The following SMG6 variants were observed in gnomAD, a reference collection of about 807,000 sequenced individuals.
SMG6 encodes SMG6 nonsense mediated mRNA decay factor.
SMG6 carries 66 observed loss-of-function variants against 142.2 expected under a neutral mutation model. The observed-to-expected ratio is 0.46, with a 90% CI of 0.38 to 0.57. The LOEUF (loss-of-function observed/expected upper bound fraction) is 0.57, where lower values mean the gene tolerates loss of function less well. Ranked by LOEUF, SMG6 falls within the 20% of genes least tolerant of loss-of-function variation. The pLI, the probability that SMG6 is intolerant of heterozygous loss-of-function variation, is 0.00. For missense variants in SMG6, 1,793 were observed against 1,832.0 expected (o/e 0.98, Z 0.39); for synonymous variants, 779 against 702.4 (o/e 1.11, Z -1.72).
At chr17:2,267,920 T>C (rs899039515) in intron 8 of SMG6, among the ~76,000 whole-genome samples, 4 of 152,028 alleles carry the variant, frequency 2.6e-5, no homozygotes, top group East Asian at 1.9e-4. Flanking sequence ...GCTAATTTTT[T>C]GTATTTTTAG....
In SMG6 at chr17:2,090,573, C is replaced by T. The variant is rs558164726; in HGVS notation, c.3358-4672G>A. Among the ~76,000 whole-genome samples, 35 of 152,316 alleles carry T rather than the reference C, an allele frequency of 2.3e-4. No individual in the cohort carries two copies. In the South Asian group the frequency reaches 7.0e-3, roughly 31 times the overall value. ...GTCCCCGTTTTCTCCAAACAGGCTT[C>T]TTGGAAGGCACAACCATGGTTACTA... On this transcript the variant is annotated intron_variant, in intron 13 of 18. Coordinates refer to ENST00000263073, the MANE Select transcript of SMG6 (RefSeq NM_017575.5).
intron 8 of SMG6, among the ~76,000 whole-genome samples, chr17:2,258,674 T>TA (rs2074247439): frequency 1.3e-5 from 2 of 151,100 alleles, no homozygotes; most frequent in Non-Finnish European, 2.9e-5. Flanking sequence ...TGGTGCAGCC[T>TA]GTAGTCCCAG....
intron 15 of SMG6, among the ~76,000 whole-genome samples, chr17:2,078,022 A>C (rs879604975): frequency 6.6e-6 from 1 of 152,156 alleles, no homozygotes; most frequent in Non-Finnish European, 1.5e-5. Flanking sequence ...CTAGCCAAGC[A>C]AAGGCCTGAT....
chr17:2,282,781 A>G lies in SMG6; in HGVS notation c.2527T>C (p.Phe843Leu). ...DQWRKGKKST[F>L]RHVGDDTTRL... Reference sequence around the variant, plus strand: ...GTGGTGTCATCTCCAACATGCCGGAAAGTAGACTTCTTTCCTTTCCGCCAC... The same window carrying G: ...GTGGTGTCATCTCCAACATGCCGGAGAGTAGACTTCTTTCCTTTCCGCCAC... The change falls in exon 8 of 19, where the codon TTC (phenylalanine) becomes CTC (leucine). Residue 843 changes from phenylalanine to leucine, a missense_variant. Phe to Leu is a conservative substitution (Grantham distance 22, BLOSUM62 0). This residue lies in a region of SMG6 where 1,597 missense variants were observed against 1,584.6 expected (regional missense o/e 1.01). Transcript: ENST00000263073. 1.9e-6 allele frequency: 3 copies of G among 1,614,194 alleles called. No individual in the cohort carries two copies. The highest frequency in any genetic ancestry group is 2.5e-6 in the Non-Finnish European group (3 of 1,180,044).
At chr17:2,130,412 C>T (rs2070080579) in intron 13 of SMG6, among the ~76,000 whole-genome samples, 1 of 151,500 alleles carries the variant, frequency 6.6e-6, no homozygotes, top group African/African-American at 2.4e-5. Flanking sequence ...TAAAAGAAGA[C>T]CTGAATAAAT....
chr17:2,275,619 C>G (rs1404047169), intron 8 of SMG6, among the ~76,000 whole-genome samples: 2 of 152,150 alleles, frequency 1.3e-5, no homozygotes, highest in Non-Finnish European at 2.9e-5. Flanking sequence ...ATTTCTGATG[C>G]TGTAATTTAA....
chr17:2,221,154 G>A (rs946576086), intron 10 of SMG6, among the ~76,000 whole-genome samples: 1 of 152,182 alleles, frequency 6.6e-6, no homozygotes, highest in African/African-American at 2.4e-5. Flanking sequence ...AGGGTTAAGA[G>A]CTGATATGGT....
At chr17:2,293,902 T>G (rs962467842) in intron 4 of SMG6, among the ~76,000 whole-genome samples, 9 of 152,236 alleles carry the variant, frequency 5.9e-5, no homozygotes, top group Non-Finnish European at 8.8e-5. Flanking sequence ...TGCCACACAC[T>G]GTGCAGGACT....
intron 12 of SMG6, among the ~76,000 whole-genome samples, chr17:2,185,050 G>A (rs2071934558): frequency 6.7e-6 from 1 of 150,148 alleles, no homozygotes; most frequent in Non-Finnish European, 1.5e-5. Flanking sequence ...AAACCTACTT[G>A]GGGACACATG....
At chr17:2,292,126 GGGTC>G (rs2075051500) in intron 6 of SMG6, among the ~76,000 whole-genome samples, 1 of 152,148 alleles carries the variant, frequency 6.6e-6, no homozygotes, top group South Asian at 2.1e-4. Context: ...AGAAGTAACA[GGGTC>G]TAGGGAAAGG....
chr17:2,274,851 G>A (rs1371057161), intron 8 of SMG6, among the ~76,000 whole-genome samples: 1 of 152,208 alleles, frequency 6.6e-6, no homozygotes, highest in East Asian at 1.9e-4. Context: ...GCCACATGCA[G>A]TGGCTCAGAC....
chr17:2,102,528 ATTTTT>A (rs374584197), intron 13 of SMG6, among the ~76,000 whole-genome samples: 4 of 81,614 alleles, frequency 4.9e-5, no homozygotes, highest in Admixed American at 1.4e-4. Context: ...TGCTAATTTC[ATTTTT>A]TTTTTTTTTT....
At chr17:2,187,955 C>T (rs1340699606) in intron 11 of SMG6, among the ~76,000 whole-genome samples, 1 of 152,082 alleles carries the variant, frequency 6.6e-6, no homozygotes, top group Admixed American at 6.6e-5. Context: ...AACCTAAGGG[C>T]TAAAAATAGC....
chr17:2,082,075 CA>C (rs2068440746), intron 14 of SMG6, 119 bp from the exon 15 acceptor site: 2 of 1,036,984 alleles, frequency 1.9e-6, no homozygotes, highest in Non-Finnish European at 2.9e-6. Flanking sequence ...CCATCCCTTG[CA>C]AAGGGTCCCC....
chr17:2,298,032 T>C lies in SMG6; in HGVS notation c.1871A>G (p.Glu624Gly), dbSNP rs1232127085. The C allele has an allele frequency of 6.2e-7, 1 of 1,609,196 alleles. No homozygotes were observed. The highest frequency in any genetic ancestry group is 8.5e-7 in the Non-Finnish European group (1 of 1,178,900). ...QLRAELLQLY[E>G]RCILLDIEFS... Reference sequence around the variant, plus strand: ...CTCAATATCTAATAGAATACAGCGCTCATATAGCTGCAGCAGTTCAGCTCT... The same window carrying C: ...CTCAATATCTAATAGAATACAGCGCCCATATAGCTGCAGCAGTTCAGCTCT... The change falls in exon 3 of 19, where the codon GAG becomes GGG. Residue 624 changes from glutamate (E) to glycine (G), a missense_variant. By Grantham distance (98) the Glu-to-Gly change is moderately conservative (BLOSUM62 -2). Around this residue, in one of 3 missense-constraint regions of SMG6, gnomAD observed 1,597 missense variants for 1,584.6 expected, o/e 1.01. Coordinates refer to ENST00000263073, the MANE Select transcript of SMG6 (RefSeq NM_017575.5).
At chr17:2,181,460 GAGAA>G (rs2071803602) in intron 12 of SMG6, among the ~76,000 whole-genome samples, 1 of 152,250 alleles carries the variant, frequency 6.6e-6, no homozygotes, top group African/African-American at 2.4e-5. Flanking sequence ...ACTGCAGAGA[GAGAA>G]AGAAAGAGAG....
At chr17:2,303,413 G>C in intron 1 of SMG6, 1 of 1,256,484 alleles carries the variant, frequency 8.0e-7, no homozygotes, top group Non-Finnish European at 1.0e-6. Flanking sequence ...CAGGAATTCG[G>C]GCCAGGCTCT....
chr17:2,239,580 T>A (rs1227470654), intron 9 of SMG6, among the ~76,000 whole-genome samples: 1 of 152,140 alleles, frequency 6.6e-6, no homozygotes, highest in African/African-American at 2.4e-5. Flanking sequence ...AAAGTGTGTA[T>A]GTGATATGTA....
At chr17:2,094,979 G>C (rs2068818923) in intron 13 of SMG6, 1 of 152,234 alleles carries the variant, frequency 6.6e-6, no homozygotes. Context: ...GCTATAGGCA[G>C]CAGTAGCTCG....
Sources: allele counts gnomAD v4.1 joint callset (sites outside exome capture counted in the v4.1 genomes callset), GRCh38; gene constraint gnomAD v4.1.1; regional missense constraint gnomAD v4.1.1; transcripts MANE v1.5; gene names NCBI Gene and HGNC (gene_info 2026-07-23, HGNC 2026-07-21).